Variants in PALM2AKAP2 observed in about 807,000 individuals in gnomAD.
PALM2AKAP2 encodes the protein PALM2-AKAP2 fusion protein.
PALM2AKAP2 carries 37 observed loss-of-function variants against 71.5 expected under a neutral mutation model. The observed-to-expected ratio is 0.52, with a 90% CI of 0.40 to 0.68. The LOEUF is 0.68. PALM2AKAP2 is among the 30% of genes least tolerant of loss of function. PALM2AKAP2 has a pLI of 0.00. For missense variants in PALM2AKAP2, 1,224 were observed against 1,191.8 expected, an observed-to-expected ratio of 1.03 and a Z score of -0.40; for synonymous variants, 468 against 478.8, an observed-to-expected ratio of 0.98 and a Z score of 0.29.
intron 5 of PALM2AKAP2, 67 bp downstream of exon 5, chr9:109,925,149 A>G: frequency 6.2e-7 from 1 of 1,605,504 alleles, no homozygotes; most frequent in Non-Finnish European, 8.5e-7. Context: ...GGTTTCATTA[A>G]CAGGGGCTTA....
chr9:109,740,649 A>G (rs1385624373), intron 1 of PALM2AKAP2, among the ~76,000 whole-genome samples: 1 of 152,244 alleles, frequency 6.6e-6, no homozygotes, highest in East Asian at 1.9e-4. Context: ...ATAGAATAAT[A>G]TAAGGACTTT....
chr9:110,036,567 T>C (rs1564272410), intron 7 of PALM2AKAP2, among the ~76,000 whole-genome samples: 1 of 152,198 alleles, frequency 6.6e-6, no homozygotes, highest in Non-Finnish European at 1.5e-5. Context: ...TTTCCCTTTC[T>C]GTAACACAGA....
intron 1 of PALM2AKAP2, among the ~76,000 whole-genome samples, chr9:109,643,792 T>A (rs956450497): frequency 2.0e-5 from 3 of 152,218 alleles, no homozygotes; most frequent in African/African-American, 7.2e-5. Flanking sequence ...AGGCTGTTCC[T>A]GCATTGTTAT....
intron 6 of PALM2AKAP2, among the ~76,000 whole-genome samples, chr9:110,005,451 C>A (rs2132295118): frequency 6.6e-6 from 1 of 152,360 alleles, no homozygotes; most frequent in East Asian, 1.9e-4. Flanking sequence ...GGGGTGCCTC[C>A]CAGTTAGGCT....
chr9:110,003,771 T>C (rs1207479845), intron 6 of PALM2AKAP2, among the ~76,000 whole-genome samples: 1 of 152,248 alleles, frequency 6.6e-6, no homozygotes, highest in Non-Finnish European at 1.5e-5. Context: ...TTGATCCCTT[T>C]ACCATTATAT....
intron 3 of PALM2AKAP2, among the ~76,000 whole-genome samples, chr9:110,158,009 G>T (rs1347754938): frequency 6.6e-6 from 1 of 152,190 alleles, no homozygotes; most frequent in Non-Finnish European, 1.5e-5. Flanking sequence ...GCTGTATTAG[G>T]CTGCAGCTAT....
At chr9:109,680,263 G>A (rs1278186866) in intron 1 of PALM2AKAP2, among the ~76,000 whole-genome samples, 2 of 152,224 alleles carry the variant, frequency 1.3e-5, no homozygotes, top group Non-Finnish European at 2.9e-5. Context: ...CGGGCACACA[G>A]GCAGGCAGGC....
intron 1 of PALM2AKAP2, among the ~76,000 whole-genome samples, chr9:109,851,021 C>CA (rs1828996544): frequency 6.6e-6 from 1 of 151,946 alleles, no homozygotes; most frequent in Admixed American, 6.6e-5. Context: ...ACTGAAAATA[C>CA]AAAAAATTAG....
At position 109,645,745 on chromosome 9, in the gene PALM2AKAP2, C is replaced by T. The variant is rs78418035; in HGVS notation, c.5+4879C>T. On this transcript the variant is annotated intron_variant, in intron 1 of 6. Transcript: ENST00000374531. The stretch of plus-strand genomic sequence containing the variant: ...AGATGAAAATAATAGATACTGGGAA[C>T]CTCAAAACAGGGAAGGGTGGGAAGG... Among the ~76,000 whole-genome samples, 1,141 of 149,278 alleles carry T rather than the reference C, an allele frequency of 7.6e-3. 16 individuals are homozygous for T. The highest frequency in any genetic ancestry group is 0.026 in the African/African-American group (1,054 of 40,520).
Position 109,661,216 on chromosome 9 carries a change from C to A in PALM2AKAP2, c.5+20350C>A, listed in dbSNP as rs575635132. Among the ~76,000 whole-genome samples the A allele has an allele frequency of 2.6e-5, 4 of 152,124 alleles. No homozygotes were observed. The East Asian group carries it at 5.8e-4, about 22-fold the overall frequency. On this transcript the variant is annotated intron_variant, in intron 1 of 6. Coordinates refer to the PALM2AKAP2 transcript ENST00000374531. ...GCTTTTGTTGCCATTGTTTTTGGTG[C>A]TTTAGACATGAAGTCCTTGCCCATG...
intron 1 of PALM2AKAP2, among the ~76,000 whole-genome samples, chr9:110,121,733 C>G (rs750546833): frequency 2.6e-5 from 4 of 152,174 alleles, no homozygotes; most frequent in African/African-American, 4.8e-5. Flanking sequence ...AAAGTTCTGA[C>G]AAGGGGATTG....
At chr9:109,703,674 A>G (rs1243253012) in intron 1 of PALM2AKAP2, among the ~76,000 whole-genome samples, 1 of 152,092 alleles carries the variant, frequency 6.6e-6, no homozygotes, top group East Asian at 1.9e-4. Flanking sequence ...CCCATTCTCT[A>G]AAAGACAGGG....
At chr9:110,094,335 G>A (rs1423103201) in intron 1 of PALM2AKAP2, among the ~76,000 whole-genome samples, 1 of 152,176 alleles carries the variant, frequency 6.6e-6, no homozygotes, top group African/African-American at 2.4e-5. Context: ...GCAACTGGAG[G>A]CCGTACTCGT....
chr9:109,883,732 A>G (rs1829905880), intron 3 of PALM2AKAP2, among the ~76,000 whole-genome samples: 1 of 152,234 alleles, frequency 6.6e-6, no homozygotes, highest in African/African-American at 2.4e-5. Context: ...CTAAAGGCTC[A>G]TTGCAAACAT....
intron 1 of PALM2AKAP2, among the ~76,000 whole-genome samples, chr9:109,741,979 C>T (rs553011851): frequency 6.6e-6 from 1 of 152,240 alleles, no homozygotes; most frequent in Admixed American, 6.5e-5. Context: ...GTCTACTTTG[C>T]ATATTAGATG....
intron 6 of PALM2AKAP2, among the ~76,000 whole-genome samples, chr9:110,004,674 A>C (rs558873382): frequency 6.6e-6 from 1 of 152,286 alleles, no homozygotes; most frequent in African/African-American, 2.4e-5. Context: ...CACCAATCAG[A>C]TGTAGATTTG....
At chr9:109,713,316 G>A (rs991676491) in intron 1 of PALM2AKAP2, among the ~76,000 whole-genome samples, 1 of 152,122 alleles carries the variant, frequency 6.6e-6, no homozygotes, top group South Asian at 2.1e-4. Context: ...AACTGAAAGT[G>A]GGGGCTGGGA....
At chr9:109,882,072 AT>A (rs1829867843) in intron 3 of PALM2AKAP2, among the ~76,000 whole-genome samples, 1 of 151,718 alleles carries the variant, frequency 6.6e-6, no homozygotes, top group African/African-American at 2.4e-5. Context: ...TTTAGTAGAG[AT>A]GGGGTTTCAC....
intron 2 of PALM2AKAP2, among the ~76,000 whole-genome samples, chr9:110,155,892 A>G (rs536093180): frequency 3.3e-5 from 5 of 152,180 alleles, no homozygotes; most frequent in African/African-American, 7.2e-5. Context: ...CTGGCTCCCT[A>G]TGACTTGAGT....
Sources: gnomAD v4.1 joint callset for allele counts (sites outside exome capture counted in the v4.1 genomes callset) on GRCh38, gnomAD v4.1.1 for gene constraint, MANE v1.5 for transcripts, NCBI Gene and HGNC (gene_info 2026-07-23, HGNC 2026-07-21) for gene names.